SMURF2: variants seen among roughly 807,000 people sequenced by gnomAD.
SMURF2 encodes SMAD specific E3 ubiquitin protein ligase 2, also known as E3 ubiquitin-protein ligase SMURF2.
Under a neutral mutation model 109.6 loss-of-function variants are expected in SMURF2, and 48 were observed. The ratio of observed to expected loss-of-function variants is 0.44; its 90% CI spans 0.35 to 0.56. SMURF2 has a LOEUF of 0.56. Ranked by LOEUF, SMURF2 falls within the 20% of genes least tolerant of loss-of-function variation. SMURF2 has a pLI of 0.01. For synonymous variants in SMURF2, 288 were observed against 317.1 expected, an observed-to-expected ratio of 0.91 and a Z score of 0.97; for missense variants, 575 against 909.0, an observed-to-expected ratio of 0.63 and a Z score of 4.72.
chr17:64,613,264 T>C (rs935180780), intron 1 of SMURF2, among the ~76,000 whole-genome samples: 1 of 152,206 alleles, frequency 6.6e-6, no homozygotes, highest in Non-Finnish European at 1.5e-5. Context: ...AATTTCAATA[T>C]GACAAACTCC....
At chr17:64,607,890 G>T (rs1274526002) in intron 1 of SMURF2, among the ~76,000 whole-genome samples, 1 of 151,576 alleles carries the variant, frequency 6.6e-6, no homozygotes, top group Admixed American at 6.6e-5. Context: ...AGAATCACTT[G>T]AACCTGGGAG....
intron 16 of SMURF2, 126 bp downstream of exon 16, chr17:64,551,457 AT>A: frequency 9.7e-7 from 1 of 1,035,484 alleles, no homozygotes; most frequent in Non-Finnish European, 1.4e-6. Flanking sequence ...GTGAATAAGA[AT>A]TCTCAAGCAT....
At chr17:64,600,481 T>C (rs1969879629) in intron 2 of SMURF2, among the ~76,000 whole-genome samples, 1 of 152,208 alleles carries the variant, frequency 6.6e-6, no homozygotes, top group Admixed American at 6.5e-5. Context: ...GTATCAATGC[T>C]AATTTTTTTA....
At chr17:64,551,516 C>CT in intron 16 of SMURF2, 68 bp downstream of exon 16, 1 of 1,541,234 alleles carries the variant, frequency 6.5e-7, no homozygotes, top group Admixed American at 1.7e-5. Context: ...TCCTCTAAAA[C>CT]TAAGTAACAA....
chr17:64,573,657 C>T (rs1327576871), intron 9 of SMURF2, among the ~76,000 whole-genome samples: 2 of 152,044 alleles, frequency 1.3e-5, no homozygotes, highest in African/African-American at 2.4e-5. Context: ...ACCTGAGTGG[C>T]AGGTAGGCAG....
Position 64,581,046 on chromosome 17 carries a change from T to C in SMURF2, c.570-55A>G. ...ATCAATTTAGATATCAAAAGTAGAGTTCTCTAGACAATATATATATACTGC... is the reference window on the plus strand; with the variant it reads ...ATCAATTTAGATATCAAAAGTAGAGCTCTCTAGACAATATATATATACTGC... On this transcript the variant is annotated intron_variant, in intron 7 of 18. Coordinates refer to ENST00000262435, the MANE Select transcript of SMURF2 (RefSeq NM_022739.4). This position sits in a 1 kb window ranked among gnomAD's most constrained non-coding sequence, Gnocchi z 4.3. 1.3e-6 allele frequency: 2 copies of C among 1,495,010 alleles called. No homozygotes were observed. The highest frequency in any genetic ancestry group is 1.9e-6 in the Non-Finnish European group (2 of 1,074,856). 92.6% of individuals were successfully genotyped at this position (1,495,010 alleles called of 1,614,324 possible).
chr17:64,655,927 T>G (rs1970699480), intron 1 of SMURF2, among the ~76,000 whole-genome samples: 1 of 151,968 alleles, frequency 6.6e-6, no homozygotes, highest in Non-Finnish European at 1.5e-5. Flanking sequence ...AATACTAAAC[T>G]AAATTATAAA....
At chr17:64,564,385 C>A (rs1173597914) in intron 10 of SMURF2, among the ~76,000 whole-genome samples, 1 of 152,110 alleles carries the variant, frequency 6.6e-6, no homozygotes, top group Non-Finnish European at 1.5e-5. Context: ...AACTAATATA[C>A]TGACAGAAAG....
intron 1 of SMURF2, among the ~76,000 whole-genome samples, chr17:64,607,071 CTT>C (rs60276383): frequency 9.6e-5 from 13 of 134,780 alleles, no homozygotes; most frequent in Admixed American, 3.7e-4. Context: ...AGTTTTTTTT[CTT>C]TTTTTTTTTT....
chr17:64,613,673 A>AGTGTGTGTGT lies in SMURF2; in HGVS notation c.53-7043_53-7034dup, dbSNP rs61060865. 4.2e-3 allele frequency among the ~76,000 whole-genome samples: 88 copies of AGTGTGTGTGT among 20,780 alleles called. 6 individuals are homozygous for AGTGTGTGTGT. The highest frequency in any genetic ancestry group is 4.8e-3 in the Non-Finnish European group (52 of 10,882). The allele number at this position is 20,780 out of a possible 152,430, so 13.6% of individuals were successfully genotyped here. ...ATGGAAGACAAGTTTTCCACGGACC[A>AGTGTGTGTGT]GTGTGTGTGTGTGTGTGTGTGTGTG... On this transcript the variant is annotated intron_variant, in intron 1 of 18. Coordinates refer to ENST00000262435, the MANE Select transcript of SMURF2 (RefSeq NM_022739.4).
chr17:64,651,845 C>A (rs1970644468), intron 1 of SMURF2, among the ~76,000 whole-genome samples: 1 of 152,028 alleles, frequency 6.6e-6, no homozygotes. Flanking sequence ...TCACTTGAGC[C>A]CAGTTCAAGA....
At position 64,582,902 on chromosome 17, in the gene SMURF2, AT is replaced by A. The variant is rs564897453; in HGVS notation, c.569+558del. ...TGGTGAGCCACCATGCTTGGCCAATATTTTTTTTTTTTTGGGGACAGAGTCT... is the reference window on the plus strand; with the variant it reads ...TGGTGAGCCACCATGCTTGGCCAATATTTTTTTTTTTTGGGGACAGAGTCT... On this transcript the variant is annotated intron_variant, in intron 7 of 18. Coordinates refer to ENST00000262435, the MANE Select transcript of SMURF2 (RefSeq NM_022739.4). 2.6e-3 allele frequency among the ~76,000 whole-genome samples: 370 copies of A among 141,708 alleles called. 2 individuals are homozygous for A. The highest frequency in any genetic ancestry group is 7.8e-3 in the Middle Eastern group (2 of 258). The allele number at this position is 141,708 out of a possible 152,430, so 93.0% of individuals were successfully genotyped here. A position where few individuals can be genotyped will look rare whatever the true frequency, so the allele number is the denominator to read the frequency against.
intron 1 of SMURF2, among the ~76,000 whole-genome samples, chr17:64,617,437 G>A (rs1164261284): frequency 6.6e-6 from 1 of 152,150 alleles, no homozygotes; most frequent in Non-Finnish European, 1.5e-5. Flanking sequence ...AACAGTATCA[G>A]CATTTAAACA....
intron 1 of SMURF2, among the ~76,000 whole-genome samples, chr17:64,638,391 G>A (rs1191619453): frequency 4.6e-5 from 7 of 152,048 alleles, no homozygotes; most frequent in African/African-American, 9.7e-5. Flanking sequence ...ATTAGAGACA[G>A]TGTTTCGTCA....
chr17:64,601,153 G>C (rs1486632796), intron 2 of SMURF2, among the ~76,000 whole-genome samples: 5 of 152,018 alleles, frequency 3.3e-5, no homozygotes, highest in African/African-American at 9.7e-5. Context: ...CTACTCAGGA[G>C]GCTAAAATGG....
chr17:64,662,111 A>AGCGGCAGCC lies in SMURF2; in HGVS notation c.-240_-232dup, dbSNP rs1309730551. The AGCGGCAGCC allele has an allele frequency of 4.8e-5, 49 of 1,021,916 alleles. No individual in the cohort carries two copies. The highest frequency in any genetic ancestry group is 3.5e-4 in the African/African-American group (20 of 56,438). 63.3% of individuals were successfully genotyped at this position (1,021,916 alleles called of 1,614,324 possible). ...TTCCTCGGCCCGGGCCGCACAACAA[A>AGCGGCAGCC]GCGGCAGCCGCGGCCGCCCGCGCCG... On this transcript the variant is annotated 5_prime_UTR_variant, in exon 1 of 19. Coordinates refer to ENST00000262435, the MANE Select transcript of SMURF2 (RefSeq NM_022739.4).
In SMURF2 at chr17:64,603,156, T is replaced by G. The variant is rs80054227; in HGVS notation, c.91+3446A>C. Among the ~76,000 whole-genome samples the G allele has an allele frequency of 3.3e-3, 496 of 151,810 alleles. 7 individuals carry two copies. In the East Asian group the frequency reaches 0.062, roughly 19 times the overall value. ...ATACACAACATTTAGCCAACCCATC[T>G]TGGTTTTAAATGACTTCAATTTGGC... is the stretch of plus-strand genomic sequence containing the variant. On this transcript the variant is annotated intron_variant, in intron 2 of 18. Coordinates refer to ENST00000262435, the MANE Select transcript of SMURF2 (RefSeq NM_022739.4).
intron 10 of SMURF2, among the ~76,000 whole-genome samples, chr17:64,570,203 A>G (rs1372801853): frequency 6.6e-6 from 1 of 152,238 alleles, no homozygotes; most frequent in Non-Finnish European, 1.5e-5. Flanking sequence ...TGAAACAAGG[A>G]CATTTTCAGA....
Position 64,578,476 on chromosome 17 carries a change from T to C in SMURF2, c.857+16A>G. The C allele has an allele frequency of 6.3e-7, 1 of 1,579,500 alleles. No homozygotes were observed. The highest frequency in any genetic ancestry group is 2.2e-5 in the East Asian group (1 of 44,694). ...GCTCTTTGATGGTCTAAAGAGTGCT[T>C]AAAATACGTTCTTACCTGGGCACTC... On this transcript the variant is annotated intron_variant, in intron 9 of 18. Transcript: ENST00000262435.
Sources: allele counts gnomAD v4.1 joint callset (sites outside exome capture counted in the v4.1 genomes callset), GRCh38; gene constraint gnomAD v4.1.1; non-coding constraint Gnocchi (gnomAD v3.1); transcripts MANE v1.5; gene names NCBI Gene and HGNC (gene_info 2026-07-23, HGNC 2026-07-21).